The following LUZP2 variants were observed in gnomAD, a reference collection of about 807,000 sequenced individuals.
The protein encoded by LUZP2 is leucine zipper protein 2.
In LUZP2, 52 loss-of-function variants were observed where a neutral mutation model predicts 51.6. The observed-to-expected ratio is 1.01, with a 90% CI of 0.81 to 1.27. The LOEUF (loss-of-function observed/expected upper bound fraction) is 1.27, where lower values mean the gene tolerates loss of function less well. LUZP2 is among the 50% of genes most tolerant of loss of function. LUZP2 has a pLI of 0.00. For missense variants in LUZP2, 436 were observed against 395.4 expected, an observed-to-expected ratio of 1.10 and a Z score of -0.87; for synonymous variants, 154 against 137.3, an observed-to-expected ratio of 1.12 and a Z score of -0.85.
At chr11:24,790,645 G>A (rs185809001) in intron 5 of LUZP2, among the ~76,000 whole-genome samples, 1 of 152,142 alleles carries the variant, frequency 6.6e-6, no homozygotes, top group African/African-American at 2.4e-5. Flanking sequence ...GGGATTACAG[G>A]CATGTATCAC....
At chr11:24,916,838 G>A (rs1853805862) in intron 7 of LUZP2, among the ~76,000 whole-genome samples, 1 of 152,088 alleles carries the variant, frequency 6.6e-6, no homozygotes, top group Non-Finnish European at 1.5e-5. Flanking sequence ...ATGATCCTTT[G>A]GGTATATACC....
chr11:24,621,878 T>C (rs1854505922), intron 1 of LUZP2, among the ~76,000 whole-genome samples: 1 of 152,072 alleles, frequency 6.6e-6, no homozygotes, highest in Non-Finnish European at 1.5e-5. Context: ...CTCCTTTTCT[T>C]ATTTTTTATA....
intron 7 of LUZP2, among the ~76,000 whole-genome samples, chr11:24,972,283 T>A (rs1855763308): frequency 2.0e-5 from 3 of 152,086 alleles, no homozygotes; most frequent in Admixed American, 2.0e-4. Context: ...ATGATGAATT[T>A]ATGACAAGTA....
intron 6 of LUZP2, among the ~76,000 whole-genome samples, chr11:24,912,508 A>G (rs909326098): frequency 6.6e-6 from 1 of 152,072 alleles, no homozygotes; most frequent in African/African-American, 2.4e-5. Context: ...AGTACACTGC[A>G]TAATTAGAAA....
At chr11:24,766,794 C>T (rs1328182029) in intron 5 of LUZP2, among the ~76,000 whole-genome samples, 1 of 152,210 alleles carries the variant, frequency 6.6e-6, no homozygotes, top group Non-Finnish European at 1.5e-5. Flanking sequence ...CTTAGTCTCA[C>T]TTTGTTGCCC....
intron 9 of LUZP2, among the ~76,000 whole-genome samples, chr11:25,011,183 C>A (rs912924910): frequency 6.6e-6 from 1 of 152,082 alleles, no homozygotes; most frequent in South Asian, 2.1e-4. Context: ...TCAGTGAATG[C>A]TCAATGAACA....
chr11:24,930,155 A>G (rs1183166753), intron 7 of LUZP2, among the ~76,000 whole-genome samples: 1 of 152,162 alleles, frequency 6.6e-6, no homozygotes, highest in Admixed American at 6.5e-5. Flanking sequence ...AAGATAGTAG[A>G]TACTTGGTTG....
At chr11:24,937,514 T>TTGA (rs1854617554) in intron 7 of LUZP2, among the ~76,000 whole-genome samples, 1 of 152,208 alleles carries the variant, frequency 6.6e-6, no homozygotes, top group Non-Finnish European at 1.5e-5. Context: ...ATGAATTGTT[T>TTGA]TATTTTTTCC....
chr11:25,017,392 G>C (rs1048662526), intron 9 of LUZP2, among the ~76,000 whole-genome samples: 1 of 152,010 alleles, frequency 6.6e-6, no homozygotes, highest in Non-Finnish European at 1.5e-5. Flanking sequence ...GTGTTTTTAT[G>C]GTTTTAAGTT....
intron 10 of LUZP2, among the ~76,000 whole-genome samples, chr11:25,073,571 C>A (rs1028732561): frequency 2.1e-5 from 3 of 139,602 alleles, no homozygotes; most frequent in Admixed American, 7.2e-5. Context: ...TTATTTTTTT[C>A]TTTCTTTAAT....
At chr11:24,630,846 ATTTG>A (rs1854863368) in intron 1 of LUZP2, among the ~76,000 whole-genome samples, 1 of 151,570 alleles carries the variant, frequency 6.6e-6, no homozygotes, top group South Asian at 2.1e-4. Flanking sequence ...GGTGTTTTTC[ATTTG>A]TTTGTGTCAC....
At chr11:24,746,456 T>C (rs2133999839) in intron 4 of LUZP2, among the ~76,000 whole-genome samples, 1 of 152,328 alleles carries the variant, frequency 6.6e-6, no homozygotes, top group Non-Finnish European at 1.5e-5. Flanking sequence ...ATAGGTTTCC[T>C]GGTGCTTTTG....
chr11:24,510,016 C>T (rs1177224833), intron 1 of LUZP2, among the ~76,000 whole-genome samples: 1 of 152,146 alleles, frequency 6.6e-6, no homozygotes, highest in Non-Finnish European at 1.5e-5. Context: ...TATACATGCT[C>T]ATAACTCCTC....
At chr11:24,547,042 G>C (rs2133736418) in intron 1 of LUZP2, among the ~76,000 whole-genome samples, 1 of 151,694 alleles carries the variant, frequency 6.6e-6, no homozygotes, top group South Asian at 2.1e-4. Flanking sequence ...CTCATCATTG[G>C]TCTGTTCAGG....
chr11:24,904,344 G>A (rs1406222356), intron 5 of LUZP2, among the ~76,000 whole-genome samples: 1 of 151,876 alleles, frequency 6.6e-6, no homozygotes, highest in African/African-American at 2.4e-5. Flanking sequence ...GTGCAGTGCC[G>A]TGATCTCGGC....
chr11:24,691,190 T>C (rs1485436939), intron 1 of LUZP2, among the ~76,000 whole-genome samples: 1 of 151,994 alleles, frequency 6.6e-6, no homozygotes, highest in Non-Finnish European at 1.5e-5. Flanking sequence ...TGTTGTTCAG[T>C]ACCTGATACG....
chr11:24,731,908 C>A (rs1265479685), intron 2 of LUZP2, among the ~76,000 whole-genome samples: 4 of 151,652 alleles, frequency 2.6e-5, no homozygotes, highest in Non-Finnish European at 4.4e-5. Flanking sequence ...CTCTGAAAGC[C>A]AAGACTGCTC....
chr11:24,685,025 CTGTGTGTGTGTGTGTGTGTG>C (rs5741709), intron 1 of LUZP2, among the ~76,000 whole-genome samples: 3 of 147,830 alleles, frequency 2.0e-5, no homozygotes, highest in East Asian at 2.1e-4. Context: ...GTATTTTGCT[CTGTGTGTGTGTGTGTGTGTG>C]TGTGTGTGTG....
At chr11:24,883,823 G>A (rs1265966816) in intron 5 of LUZP2, among the ~76,000 whole-genome samples, 2 of 152,006 alleles carry the variant, frequency 1.3e-5, no homozygotes, top group African/African-American at 2.4e-5. Context: ...TTGGAAATAT[G>A]TAGAACTCTT....
Sources: allele counts gnomAD v4.1 joint callset (sites outside exome capture counted in the v4.1 genomes callset), GRCh38; gene constraint gnomAD v4.1.1; transcripts MANE v1.5; gene names NCBI Gene and HGNC (gene_info 2026-07-23, HGNC 2026-07-21).